The following SAAL1 variants were observed in gnomAD, a reference collection of about 807,000 sequenced individuals.
SAAL1 encodes serum amyloid A like 1.
Under a neutral mutation model 59.8 loss-of-function variants are expected in SAAL1, and 42 were observed. That is an observed-to-expected ratio of 0.70 (90% CI 0.55 to 0.91). The LOEUF is 0.91. SAAL1 is among the 40% of genes least tolerant of loss of function. The pLI, the probability that SAAL1 is intolerant of heterozygous loss-of-function variation, is 0.00. For missense variants in SAAL1, 542 were observed against 561.1 expected (o/e 0.97, Z 0.34); for synonymous variants, 191 against 194.3 (o/e 0.98, Z 0.14).
chr11:18,099,302 G>A (rs1216443408), intron 2 of SAAL1, among the ~76,000 whole-genome samples: 1 of 152,138 alleles, frequency 6.6e-6, no homozygotes, highest in Non-Finnish European at 1.5e-5. Flanking sequence ...AGCACAACAT[G>A]CTACCTCTCA....
chr11:18,092,453 A>G, intron 3 of SAAL1, 129 bp from the exon 4 acceptor site: 2 of 664,366 alleles, frequency 3.0e-6, no homozygotes, highest in Non-Finnish European at 5.5e-6. Context: ...GGATAAAGAA[A>G]TACATATACT....
At chr11:18,089,926 T>G (rs1236746909) in intron 6 of SAAL1, among the ~76,000 whole-genome samples, 2 of 152,100 alleles carry the variant, frequency 1.3e-5, no homozygotes, top group Non-Finnish European at 2.9e-5. Context: ...GGTGCATGAC[T>G]ATAGTCCCAG....
chr11:18,093,425 T>C (rs904082383), intron 3 of SAAL1, among the ~76,000 whole-genome samples: 2 of 152,196 alleles, frequency 1.3e-5, no homozygotes, highest in African/African-American at 4.8e-5. Context: ...GGTTCAGTAC[T>C]ATCCTCGGTT....
chr11:18,092,412 C>A, intron 3 of SAAL1, 88 bp from the exon 4 acceptor site: 1 of 872,702 alleles, frequency 1.1e-6, no homozygotes, highest in Non-Finnish European at 1.9e-6. Context: ...TTTCGCTGAG[C>A]CAAGTTTTGG....
rs148687271 is a variant in SAAL1, at chr11:18,083,637, C to T, written c.1137G>A (p.Glu379=). Residue 379 remains glutamate, a synonymous_variant, in exon 10 of 12, where the codon GAG becomes GAA. Transcript: ENST00000524803. ...KPENSAESNT[E]ETKRTDLTQD... The stretch of plus-strand genomic sequence containing the variant: ...GGGTTAAATCAGTCCTTTTAGTTTC[C>T]TCTGTGTTAGACTCTGCCGAGTTCT... 187 of 1,610,032 alleles carry T rather than the reference C, an allele frequency of 1.2e-4. 1 individual carries two copies. In the African/African-American group the frequency reaches 2.3e-3, roughly 20 times the overall value.
Position 18,092,304 on chromosome 11 carries a change from T to G in SAAL1, c.354A>C (p.Leu118Phe). 1 of 1,605,394 alleles carries G rather than the reference T, an allele frequency of 6.2e-7. No homozygotes were observed. The highest frequency in any genetic ancestry group is 2.2e-5 in the East Asian group (1 of 44,852). Residue 118 changes from leucine (L) to phenylalanine (F), a missense_variant, in exon 4 of 12, where the codon TTA (leucine) becomes TTC (phenylalanine). Coordinates refer to ENST00000524803, the MANE Select transcript of SAAL1 (RefSeq NM_138421.3). ...PRLREICVGI[L>F]GNMACFQEIC... The stretch of plus-strand genomic sequence containing the variant: ...TCTCCTGGAAACAGGCCATATTACC[T>G]AAAATTCCCACACAGATTTCCTGCC...
intron 9 of SAAL1, among the ~76,000 whole-genome samples, chr11:18,086,528 G>A (rs759444487): frequency 2.6e-5 from 4 of 151,966 alleles, no homozygotes; most frequent in African/African-American, 4.8e-5. Flanking sequence ...GTAAAAACCC[G>A]TCTCTACTGA....
intron 9 of SAAL1, among the ~76,000 whole-genome samples, chr11:18,085,042 A>G (rs1165048666): frequency 6.6e-6 from 1 of 152,234 alleles, no homozygotes; most frequent in African/African-American, 2.4e-5. Flanking sequence ...CTGGGATTAT[A>G]GGTGTGAGCC....
intron 2 of SAAL1, among the ~76,000 whole-genome samples, chr11:18,098,153 A>C (rs1848597193): frequency 6.6e-6 from 1 of 152,230 alleles, no homozygotes; most frequent in African/African-American, 2.4e-5. Context: ...TCTCAAACAA[A>C]AACAAAATTC....
chr11:18,082,261 C>T (rs1169624288), intron 10 of SAAL1, among the ~76,000 whole-genome samples: 1 of 152,064 alleles, frequency 6.6e-6, no homozygotes, highest in Non-Finnish European at 1.5e-5. Flanking sequence ...GAAATTCATA[C>T]AAATAATCAA....
At position 18,089,226 on chromosome 11, in the gene SAAL1, T is replaced by C. The variant is rs541788606; in HGVS notation, c.770+104A>G. On this transcript the variant is annotated intron_variant, in intron 7 of 11. Transcript: ENST00000524803. ...GAATTAACGTAACAAGGAGTGACTA[T>C]GTACTTTATTCTGTTGTAAGGAATA... 9.2e-6 allele frequency: 9 copies of C among 978,214 alleles called. No homozygotes were observed. In the East Asian group the frequency reaches 2.4e-4, roughly 27 times the overall value. 60.6% of individuals were successfully genotyped at this position (978,214 alleles called of 1,614,324 possible). A position where few individuals can be genotyped will look rare whatever the true frequency, so the allele number is the denominator to read the frequency against.
In SAAL1 at chr11:18,105,134, G is replaced by A. The variant is rs80087075; in HGVS notation, c.135+773C>T. On this transcript the variant is annotated intron_variant, in intron 1 of 11. Coordinates refer to ENST00000524803, the MANE Select transcript of SAAL1 (RefSeq NM_138421.3). ...ATTAAGGGACAAATAGAGGTTCTGAGCCGTTAGGTGACCTGCAGCTAGTGG... is the reference window on the plus strand; with the variant it reads ...ATTAAGGGACAAATAGAGGTTCTGAACCGTTAGGTGACCTGCAGCTAGTGG... 5.9e-5 allele frequency among the ~76,000 whole-genome samples: 9 copies of A among 152,124 alleles called. No homozygotes were observed. In the East Asian group the frequency reaches 1.7e-3, roughly 29 times the overall value.
intron 1 of SAAL1, 74 bp from the exon 2 acceptor site, chr11:18,103,420 G>T (rs1848654953): frequency 1.9e-6 from 2 of 1,076,574 alleles, no homozygotes; most frequent in Non-Finnish European, 1.4e-6. Context: ...AATACAGCAG[G>T]TGATCAAATA....
chr11:18,092,126 G>A (rs1848529262), intron 4 of SAAL1, 119 bp downstream of exon 4: 1 of 589,818 alleles, frequency 1.7e-6, no homozygotes, highest in South Asian at 2.5e-5. Flanking sequence ...TTCCCACAGA[G>A]TGTTCATCAA....
At chr11:18,095,861 A>G (rs1590289395) in intron 3 of SAAL1, among the ~76,000 whole-genome samples, 1 of 152,202 alleles carries the variant, frequency 6.6e-6, no homozygotes, top group East Asian at 1.9e-4. Context: ...TGTGGAAGGA[A>G]AAGTACCACT....
chr11:18,096,615 A>T (rs188582137), intron 3 of SAAL1, among the ~76,000 whole-genome samples, 156 bp downstream of exon 3: 1 of 152,018 alleles, frequency 6.6e-6, no homozygotes. Flanking sequence ...TAAATAGCAA[A>T]TTACCTAGGA....
chr11:18,084,428 C>T (rs184659799), intron 9 of SAAL1, among the ~76,000 whole-genome samples: 1 of 152,208 alleles, frequency 6.6e-6, no homozygotes, highest in Non-Finnish European at 1.5e-5. Flanking sequence ...GAAAAGGCAA[C>T]ATCAGGCCCT....
At chr11:18,093,462 A>AC (rs1249064455) in intron 3 of SAAL1, among the ~76,000 whole-genome samples, 1 of 152,080 alleles carries the variant, frequency 6.6e-6, no homozygotes, top group African/African-American at 2.4e-5. Context: ...TTGGAATGCA[A>AC]CCCCCAAGGA....
At chr11:18,084,596 T>C (rs1258174944) in intron 9 of SAAL1, among the ~76,000 whole-genome samples, 1 of 152,222 alleles carries the variant, frequency 6.6e-6, no homozygotes, top group Non-Finnish European at 1.5e-5. Context: ...TCCCCAAGTA[T>C]GCACATGACT....
Sources: allele counts gnomAD v4.1 joint callset (sites outside exome capture counted in the v4.1 genomes callset), GRCh38; gene constraint gnomAD v4.1.1; transcripts MANE v1.5; gene names NCBI Gene and HGNC (gene_info 2026-07-23, HGNC 2026-07-21).